The following PCLO variants were observed in gnomAD, a reference collection of about 807,000 sequenced individuals.
PCLO encodes the protein protein piccolo.
Under a neutral mutation model 427.5 loss-of-function variants are expected in PCLO, and 82 were observed. The observed-to-expected ratio is 0.19, with a 90% CI of 0.16 to 0.23. PCLO has a LOEUF of 0.23. Among genes scored for constraint, PCLO ranks in the 10% least tolerant of loss-of-function variants. The pLI is 1.00. For missense variants in PCLO, 6,239 were observed against 6,115.9 expected (o/e 1.02, Z -0.67); for synonymous variants, 2,357 against 2,155.4 (o/e 1.09, Z -2.59).
chr7:82,922,605 G>T (rs1367141936), intron 6 of PCLO, among the ~76,000 whole-genome samples: 3 of 151,892 alleles, frequency 2.0e-5, no homozygotes, highest in Admixed American at 6.6e-5. Context: ...TGGGAGAAGA[G>T]TGGTGATCGA....
intron 6 of PCLO, among the ~76,000 whole-genome samples, chr7:82,935,051 G>C (rs1210953878): frequency 6.7e-6 from 1 of 150,302 alleles, no homozygotes; most frequent in Non-Finnish European, 1.5e-5. Flanking sequence ...TTCATATAAG[G>C]GTTCAAAAAT....
chr7:82,798,426 C>A (rs1470634381), intron 22 of PCLO, among the ~76,000 whole-genome samples: 2 of 152,068 alleles, frequency 1.3e-5, no homozygotes, highest in Non-Finnish European at 2.9e-5. Context: ...TCACTGACAA[C>A]AAAGGCAAAT....
At chr7:82,770,449 GC>G (rs879448171) in intron 22 of PCLO, among the ~76,000 whole-genome samples, 5 of 151,652 alleles carry the variant, frequency 3.3e-5, no homozygotes, top group Non-Finnish European at 5.9e-5. Flanking sequence ...GACAATTTAT[GC>G]CTAGAAAACA....
chr7:82,954,694 TG>T lies in PCLO; in HGVS notation c.6258del (p.Ile2087LeufsTer5). On this transcript the variant is annotated frameshift_variant, in exon 5 of 25. Transcript: ENST00000333891. LOFTEE classifies it high-confidence loss of function. ...LTPGSSPTQA[P>X]IGEDMTESTM... ...GTGGACTCTGTCATATCCTCACCAATGGGGGCCTGGGTTGGGCTAGATCCAG... is the reference window on the plus strand; with the variant it reads ...GTGGACTCTGTCATATCCTCACCAATGGGGCCTGGGTTGGGCTAGATCCAG... 1 of 1,613,890 alleles carries T rather than the reference TG, an allele frequency of 6.2e-7. No homozygotes were observed. The highest frequency in any genetic ancestry group is 2.2e-5 in the East Asian group (1 of 44,868).
intron 2 of PCLO, among the ~76,000 whole-genome samples, chr7:83,145,565 T>G (rs1023480947): frequency 6.6e-6 from 1 of 152,178 alleles, no homozygotes; most frequent in African/African-American, 2.4e-5. Flanking sequence ...CAAGTAATTC[T>G]GTGACTGTGC....
chr7:82,850,889 A>C (rs993393631), intron 10 of PCLO, among the ~76,000 whole-genome samples: 1 of 152,190 alleles, frequency 6.6e-6, no homozygotes. Flanking sequence ...CACAGGAGGA[A>C]GTTCCAAAAC....
At chr7:83,070,782 T>C (rs557227281) in intron 3 of PCLO, among the ~76,000 whole-genome samples, 3 of 152,254 alleles carry the variant, frequency 2.0e-5, no homozygotes, top group African/African-American at 7.2e-5. Flanking sequence ...AAATAAATGA[T>C]GATGGAATGA....
intron 6 of PCLO, among the ~76,000 whole-genome samples, chr7:82,918,634 G>A (rs1438140495): frequency 6.6e-6 from 1 of 151,900 alleles, no homozygotes; most frequent in Non-Finnish European, 1.5e-5. Flanking sequence ...TGATTATAAC[G>A]TTGTTCAACA....
intron 2 of PCLO, among the ~76,000 whole-genome samples, chr7:83,149,424 T>A (rs1792075377): frequency 6.6e-6 from 1 of 152,158 alleles, no homozygotes; most frequent in African/African-American, 2.4e-5. Flanking sequence ...TTTCTTGGAA[T>A]GACTATACTT....
intron 3 of PCLO, among the ~76,000 whole-genome samples, chr7:82,994,068 T>C (rs6963202): frequency 0.019 from 2,889 of 152,144 alleles, 111 homozygotes; most frequent in African/African-American, 0.066. Context: ...TCGAAATAAA[T>C]GTTGACATTT....
chr7:82,876,584 T>G (rs1000944579), intron 10 of PCLO, among the ~76,000 whole-genome samples: 3 of 152,020 alleles, frequency 2.0e-5, no homozygotes, highest in Non-Finnish European at 2.9e-5. Context: ...CTAGTTAATC[T>G]TTGGATATTA....
At chr7:82,909,047 C>A in intron 7 of PCLO, 34 bp from the exon 8 acceptor site, 5 of 1,607,372 alleles carry the variant, frequency 3.1e-6, no homozygotes, top group Non-Finnish European at 4.3e-6. Flanking sequence ...TACATTGCAA[C>A]GGCAAGTAAT....
At chr7:82,832,761 T>C (rs573908737) in intron 16 of PCLO, among the ~76,000 whole-genome samples, 14 of 151,702 alleles carry the variant, frequency 9.2e-5, no homozygotes, top group African/African-American at 3.4e-4. Context: ...AAAGTATTCA[T>C]TTTTAATGAT....
At chr7:83,048,890 A>T (rs141988691) in intron 3 of PCLO, among the ~76,000 whole-genome samples, 170 of 152,308 alleles carry the variant, frequency 1.1e-3, no homozygotes, top group Non-Finnish European at 2.0e-3. Context: ...TGGCTATTTA[A>T]CATGCACTTT....
rs1294677407 is a variant in PCLO at position 82,757,508 on chromosome 7, G to A, written c.*1067C>T. The A allele has an allele frequency of 6.6e-6, 1 of 151,840 alleles. No homozygotes were observed. The highest frequency in any genetic ancestry group is 1.5e-5 in the Non-Finnish European group (1 of 67,906). The allele number at this position is 151,840 out of a possible 1,614,324, so 9.4% of individuals were successfully genotyped here. Reference sequence around the variant, plus strand: ...ATGAATTAAGTCATTAAGGAAAAAAGCATAAAATATTATGAAATGAGGATC... The same window carrying A: ...ATGAATTAAGTCATTAAGGAAAAAAACATAAAATATTATGAAATGAGGATC... On this transcript the variant is annotated 3_prime_UTR_variant, in exon 25 of 25. Transcript: ENST00000333891.
chr7:82,880,351 A>C (rs1234445657), intron 9 of PCLO: 1 of 360,188 alleles, frequency 2.8e-6, no homozygotes, highest in Non-Finnish European at 5.6e-6. Context: ...ATTATTTTGA[A>C]AGGCAAGAAA....
chr7:83,012,372 C>T (rs28704927), intron 3 of PCLO, among the ~76,000 whole-genome samples: 3,722 of 152,096 alleles, frequency 0.024, 156 homozygotes, highest in African/African-American at 0.085. Context: ...AATCCCAGCA[C>T]TTTGGGAGGC....
At chr7:82,882,441 T>G (rs1405951936) in intron 9 of PCLO, among the ~76,000 whole-genome samples, 2 of 152,142 alleles carry the variant, frequency 1.3e-5, no homozygotes, top group African/African-American at 2.4e-5. Flanking sequence ...AAATGCTTCT[T>G]CAGATGCCAT....
At chr7:83,007,919 C>T (rs1353402832) in intron 3 of PCLO, among the ~76,000 whole-genome samples, 1 of 151,562 alleles carries the variant, frequency 6.6e-6, no homozygotes, top group East Asian at 1.9e-4. Flanking sequence ...TTAGCTGCTG[C>T]TATTGTTACC....
Sources: allele counts gnomAD v4.1 joint callset (sites outside exome capture counted in the v4.1 genomes callset), GRCh38; gene constraint gnomAD v4.1.1; transcripts MANE v1.5; gene names NCBI Gene and HGNC (gene_info 2026-07-23, HGNC 2026-07-21).